TOM1: variants seen among roughly 807,000 people sequenced by gnomAD.
TOM1 encodes target of myb1 membrane trafficking protein, also known as target of Myb protein 1.
Under a neutral mutation model 61.3 loss-of-function variants are expected in TOM1, and 38 were observed. The ratio of observed to expected loss-of-function variants is 0.62; its 90% CI spans 0.48 to 0.81. The LOEUF (loss-of-function observed/expected upper bound fraction) is 0.81, where lower values mean the gene tolerates loss of function less well. Among genes scored for constraint, TOM1 ranks in the 40% least tolerant of loss-of-function variants. The probability of loss-of-function intolerance (pLI) is 0.00; values close to 1 mark genes in which losing one functional copy is unlikely to be tolerated. For synonymous variants in TOM1, 270 were observed against 268.8 expected, an observed-to-expected ratio of 1.00 and a Z score of -0.04; for missense variants, 591 against 659.6, an observed-to-expected ratio of 0.90 and a Z score of 1.14.
intron 6 of TOM1, among the ~76,000 whole-genome samples, chr22:35,326,693 C>T (rs1371039797): frequency 6.6e-6 from 1 of 150,956 alleles, no homozygotes; most frequent in Non-Finnish European, 1.5e-5. Context: ...AGAGAGAGGA[C>T]GGAATCCCAG....
Position 35,313,936 on chromosome 22 carries a change from G to A in TOM1, c.53-3941G>A, listed in dbSNP as rs561642126. ...CCTTGAAGGTTACAGCTCCGAGGTC[G>A]GGGAATCAGTTGTCATTCTCTTGGT... On this transcript the variant is annotated intron_variant, in intron 1 of 14. Transcript: ENST00000449058. 3.9e-5 allele frequency among the ~76,000 whole-genome samples: 6 copies of A among 152,330 alleles called. No homozygotes were observed. In the South Asian group the frequency reaches 8.3e-4, roughly 21 times the overall value.
intron 7 of TOM1, among the ~76,000 whole-genome samples, chr22:35,330,105 C>G (rs1353896464): frequency 6.6e-6 from 1 of 151,912 alleles, no homozygotes; most frequent in Non-Finnish European, 1.5e-5. Flanking sequence ...TGGCGAAACC[C>G]CGTCTCTACT....
chr22:35,301,616 T>C (rs1925796120), intron 1 of TOM1, among the ~76,000 whole-genome samples: 1 of 152,194 alleles, frequency 6.6e-6, no homozygotes, highest in South Asian at 2.1e-4. Flanking sequence ...TTTTCCATTC[T>C]TAGTGTCTTG....
intron 11 of TOM1, among the ~76,000 whole-genome samples, chr22:35,335,079 C>T (rs962718915): frequency 6.6e-6 from 1 of 152,134 alleles, no homozygotes; most frequent in Non-Finnish European, 1.5e-5. Context: ...TGAGTGTGTC[C>T]ACCAGGGTCT....
intron 6 of TOM1, among the ~76,000 whole-genome samples, chr22:35,325,181 A>T (rs981900033): frequency 2.6e-5 from 4 of 152,240 alleles, no homozygotes; most frequent in African/African-American, 9.6e-5. Flanking sequence ...CGCGGAGCGT[A>T]AAGGTGGAGC....
At chr22:35,327,420 A>C in intron 7 of TOM1, 33 bp downstream of exon 7, 1 of 1,486,322 alleles carries the variant, frequency 6.7e-7, no homozygotes, top group Middle Eastern at 2.0e-4. Flanking sequence ...TGGGGCTCAG[A>C]TGACTCCTGC....
intron 1 of TOM1, among the ~76,000 whole-genome samples, chr22:35,301,800 C>CCT: frequency 9.6e-6 from 1 of 104,682 alleles, no homozygotes; most frequent in African/African-American, 2.6e-5. Flanking sequence ...TCAAAGGACC[C>CCT]CTGCCCTCCC....
chr22:35,346,843 CG>C (rs1266237929), intron 13 of TOM1, 86 bp from the exon 14 acceptor site: 25 of 1,296,370 alleles, frequency 1.9e-5, no homozygotes, highest in African/African-American at 4.4e-5. Flanking sequence ...TGAGGTTCAG[CG>C]GGGCCCGAGC....
At chr22:35,322,963 G>C (rs775773543) in intron 3 of TOM1, 65 bp from the exon 4 acceptor site, 2 of 1,583,098 alleles carry the variant, frequency 1.3e-6, no homozygotes, top group Non-Finnish European at 1.7e-6. Flanking sequence ...AGCCACGAGG[G>C]TGGGGGTTCT....
intron 6 of TOM1, among the ~76,000 whole-genome samples, chr22:35,324,412 C>CAAAAAAA (rs58401864): frequency 4.9e-5 from 3 of 61,186 alleles, no homozygotes; most frequent in African/African-American, 1.0e-4. Flanking sequence ...AGACCTGTTT[C>CAAAAAAA]AAAAAAAAAA....
intron 3 of TOM1, chr22:35,322,374 G>A: frequency 3.3e-6 from 1 of 299,004 alleles, no homozygotes; most frequent in Non-Finnish European, 6.3e-6. Flanking sequence ...GACTGAGTTG[G>A]GTGCTGCTCG....
At chr22:35,301,352 G>T (rs1260410815) in intron 1 of TOM1, among the ~76,000 whole-genome samples, 2 of 152,068 alleles carry the variant, frequency 1.3e-5, no homozygotes, top group Non-Finnish European at 2.9e-5. Flanking sequence ...TTGTTCCTGA[G>T]ATCACCAAGT....
At chr22:35,337,526 C>T (rs1195301465) in intron 11 of TOM1, among the ~76,000 whole-genome samples, 1 of 152,228 alleles carries the variant, frequency 6.6e-6, no homozygotes, top group Non-Finnish European at 1.5e-5. Context: ...CACACTCCAC[C>T]AGCAAACTCT....
chr22:35,347,000 C>G, intron 14 of TOM1, 31 bp downstream of exon 14: 2 of 1,607,406 alleles, frequency 1.2e-6, no homozygotes, highest in African/African-American at 2.7e-5. Context: ...CCGCCCTCTC[C>G]TTTCCCCAGG....
In TOM1 at chr22:35,346,360, G is replaced by A. The variant is rs150650112; in HGVS notation, c.1285-570G>A. Reference sequence around the variant, plus strand: ...TCTCTGGGCACCAAGGCCCACATGGGCACTTCAGGCCCAGAAGCCGCCTTC... The same window carrying A: ...TCTCTGGGCACCAAGGCCCACATGGACACTTCAGGCCCAGAAGCCGCCTTC... On this transcript the variant is annotated intron_variant, in intron 13 of 14. Coordinates refer to ENST00000449058, the MANE Select transcript of TOM1 (RefSeq NM_005488.3). Among the ~76,000 whole-genome samples the A allele has an allele frequency of 7.5e-4, 114 of 152,362 alleles. No individual in the cohort carries two copies. The East Asian group carries it at 0.016, about 21-fold the overall frequency.
chr22:35,326,855 C>T (rs191756555), intron 6 of TOM1, among the ~76,000 whole-genome samples: 1 of 152,048 alleles, frequency 6.6e-6, no homozygotes, highest in Admixed American at 6.5e-5. Context: ...AGGGCGGAAT[C>T]CCAGTCCTCT....
In TOM1 at chr22:35,347,343, G is replaced by A. The variant is rs1361324789; in HGVS notation, c.*134G>A. ...CCCCCTTTTCCTCCTCTTTGAAGAC[G>A]GAGCTGCCCCAGCTGTGGCTGGGGG... On this transcript the variant is annotated 3_prime_UTR_variant, in exon 15 of 15. Coordinates refer to ENST00000449058, the MANE Select transcript of TOM1 (RefSeq NM_005488.3). The A allele has an allele frequency of 4.8e-5, 46 of 950,100 alleles. No individual in the cohort carries two copies. The highest frequency in any genetic ancestry group is 4.0e-4 in the Admixed American group (13 of 32,684). The allele number at this position is 950,100 out of a possible 1,614,324, so 58.9% of individuals were successfully genotyped here. A position where few individuals can be genotyped will look rare whatever the true frequency, so the allele number is the denominator to read the frequency against.
chr22:35,335,691 GA>G, intron 11 of TOM1: 1 of 155,082 alleles, frequency 6.4e-6, no homozygotes, highest in Non-Finnish European at 1.5e-5. Flanking sequence ...GGGGGACAGG[GA>G]AAAGCACACA....
Position 35,343,072 on chromosome 22 carries a change from G to C in TOM1, c.1225-2653G>C, listed in dbSNP as rs1257832169. Among the ~76,000 whole-genome samples, 135 of 59,360 alleles carry C rather than the reference G, an allele frequency of 2.3e-3. 2 individuals are homozygous for C. Among genetic ancestry groups the C allele is most frequent in the African/African-American group, 7.9e-3 (117 of 14,718 alleles). The allele number at this position is 59,360 out of a possible 152,430, so 38.9% of individuals were successfully genotyped here. ...ACCTCCACTCATACACCTACACACA[G>C]CCCTACACACACCACACCTACACAC... On this transcript the variant is annotated intron_variant, in intron 12 of 14. Transcript: ENST00000449058.
Sources: allele counts gnomAD v4.1 joint callset (sites outside exome capture counted in the v4.1 genomes callset), GRCh38; gene constraint gnomAD v4.1.1; transcripts MANE v1.5; gene names NCBI Gene and HGNC (gene_info 2026-07-23, HGNC 2026-07-21).